Variants in USP6NL observed in about 807,000 individuals in gnomAD.
The protein encoded by USP6NL is USP6 N-terminal-like protein.
A neutral mutation model predicts 61.9 loss-of-function variants in USP6NL; 26 were observed. That is an observed-to-expected ratio of 0.42 (90% confidence interval 0.31 to 0.58). USP6NL has a LOEUF of 0.58. Among genes scored for constraint, USP6NL ranks in the 20% least tolerant of loss-of-function variants. USP6NL has a pLI of 0.16. For missense variants in USP6NL, 1,114 were observed against 1,034.3 expected (o/e 1.08, Z -1.06); for synonymous variants, 432 against 390.1 (o/e 1.11, Z -1.27).
At chr10:11,601,713 C>T (rs927316767) in intron 1 of USP6NL, among the ~76,000 whole-genome samples, 3 of 152,136 alleles carry the variant, frequency 2.0e-5, no homozygotes, top group Non-Finnish European at 4.4e-5. Flanking sequence ...TCATTTGTTC[C>T]TTAAAAGTAA....
At chr10:11,569,777 A>G (rs1437004095) in intron 2 of USP6NL, among the ~76,000 whole-genome samples, 1 of 152,220 alleles carries the variant, frequency 6.6e-6, no homozygotes, top group Non-Finnish European at 1.5e-5. Context: ...CCTGAATTCT[A>G]GGTTTTATGG....
At position 11,608,538 on chromosome 10, in the gene USP6NL, T is replaced by C. The variant is rs547274490; in HGVS notation, c.-84+2905A>G. Among the ~76,000 whole-genome samples the C allele has an allele frequency of 6.6e-5, 10 of 152,342 alleles. No homozygotes were observed. In the South Asian group the frequency reaches 1.9e-3, roughly 28 times the overall value. ...AGTTTCCCACACACCCGCCTCTTTT[T>C]TTCAGCCAGCTATCTCTGCCTCATC... On this transcript the variant is annotated intron_variant, in intron 1 of 14. Transcript: ENST00000609104.
At chr10:11,477,833 GA>G (rs1486681922) in intron 14 of USP6NL, among the ~76,000 whole-genome samples, 16 of 151,958 alleles carry the variant, frequency 1.1e-4, no homozygotes. Flanking sequence ...GTTTTAAAGG[GA>G]AAAAAATGAT....
chr10:11,535,987 T>G (rs1299706659), intron 2 of USP6NL, among the ~76,000 whole-genome samples: 3 of 152,188 alleles, frequency 2.0e-5, no homozygotes, highest in Non-Finnish European at 1.5e-5. Flanking sequence ...GAAGGAATGC[T>G]CAGAGGAGGA....
Position 11,489,269 on chromosome 10 carries a change from A to T in USP6NL, c.544-47T>A, listed in dbSNP as rs759804740. The stretch of plus-strand genomic sequence containing the variant: ...AGAAGCTGGGGAGTTCAGTCGAATT[A>T]CATGCATATGTACAGAGAAAAAGCT... On this transcript the variant is annotated intron_variant, in intron 9 of 14. Coordinates refer to ENST00000609104, the MANE Select transcript of USP6NL (RefSeq NM_014688.5). This position sits in a 1 kb window ranked among gnomAD's most constrained non-coding sequence, Gnocchi z 5.7. 1 of 1,610,886 alleles carries T rather than the reference A, an allele frequency of 6.2e-7. No individual in the cohort carries two copies. Among genetic ancestry groups the T allele is most frequent in the Non-Finnish European group, 8.5e-7 (1 of 1,177,958 alleles).
chr10:11,578,111 G>C (rs1837618784), intron 2 of USP6NL, among the ~76,000 whole-genome samples: 1 of 152,018 alleles, frequency 6.6e-6, no homozygotes, highest in African/African-American at 2.4e-5. Flanking sequence ...CAGCTACTCA[G>C]GGTGTGCCAC....
In USP6NL at chr10:11,476,243, GAGTCACACTGT is replaced by G. The variant is rs1832963823; in HGVS notation, c.1078+5516_1078+5526del. Among the ~76,000 whole-genome samples, 4 of 152,206 alleles carry G rather than the reference GAGTCACACTGT, an allele frequency of 2.6e-5. No homozygotes were observed. Among genetic ancestry groups the G allele is most frequent in the African/African-American group, 9.6e-5 (4 of 41,454 alleles). ...GGAGCTGGCCTGAGATGATGCTGAG[GAGTCACACTGT>G]AGTCACACTGTTACACTTGTTAGTG... On this transcript the variant is annotated intron_variant, in intron 14 of 14. Coordinates refer to ENST00000609104, the MANE Select transcript of USP6NL (RefSeq NM_014688.5). The surrounding 1 kb of genome is among the most constrained non-coding windows in gnomAD (Gnocchi z 4.3).
intron 2 of USP6NL, among the ~76,000 whole-genome samples, chr10:11,571,000 G>C (rs1837338990): frequency 6.6e-6 from 1 of 151,994 alleles, no homozygotes; most frequent in Non-Finnish European, 1.5e-5. Context: ...ACACTTATTA[G>C]ACAAGACTGT....
At chr10:11,559,229 G>A (rs1479386153) in intron 2 of USP6NL, among the ~76,000 whole-genome samples, 1 of 152,080 alleles carries the variant, frequency 6.6e-6, no homozygotes, top group Non-Finnish European at 1.5e-5. Flanking sequence ...AAATAAATGT[G>A]TAAATGCTTT....
In USP6NL at chr10:11,491,044, A is replaced by C. The variant is rs968216182; in HGVS notation, c.495-164T>G. 2.0e-5 allele frequency among the ~76,000 whole-genome samples: 3 copies of C among 152,262 alleles called. No homozygotes were observed. In the East Asian group the frequency reaches 5.8e-4, roughly 29 times the overall value. The stretch of plus-strand genomic sequence containing the variant: ...TTCAAATTCAAACAACACTCTAAAA[A>C]GTCTAAATTCAAGACTAGATAATAT... On this transcript the variant is annotated intron_variant, in intron 8 of 14. Transcript: ENST00000609104. This position sits in a 1 kb window ranked among gnomAD's most constrained non-coding sequence, Gnocchi z 4.7.
At chr10:11,609,737 C>A (rs765860328) in intron 1 of USP6NL, among the ~76,000 whole-genome samples, 1 of 152,188 alleles carries the variant, frequency 6.6e-6, no homozygotes, top group Non-Finnish European at 1.5e-5. Flanking sequence ...GCAACCCTTG[C>A]TTGGCATTGG....
In USP6NL at chr10:11,463,531, T is replaced by A. The variant is rs375253577; in HGVS notation, c.1397A>T (p.His466Leu). The part of the protein sequence containing the change: ...GPQDSSRQYN[H>L]AAANQNSNAT... ...GTTGCTATTTTGGTTGGCAGCTGCG[T>A]GATTATATTGCCTGGAACTGTCCTG... is the stretch of plus-strand genomic sequence containing the variant. Residue 466 changes from histidine (H) to leucine (L), a missense_variant, in exon 15 of 15, where the codon CAC (histidine) becomes CTC (leucine). By Grantham distance (99) the His-to-Leu change is moderately conservative. Coordinates refer to ENST00000609104, the MANE Select transcript of USP6NL (RefSeq NM_014688.5). The surrounding 1 kb of genome is among the most constrained non-coding windows in gnomAD (Gnocchi z 6.3). 6.2e-7 allele frequency: 1 copy of A among 1,613,892 alleles called. No homozygotes were observed. The highest frequency in any genetic ancestry group is 1.3e-5 in the African/African-American group (1 of 74,918).
At chr10:11,502,313 T>C (rs1445500929) in intron 6 of USP6NL, among the ~76,000 whole-genome samples, 2 of 151,726 alleles carry the variant, frequency 1.3e-5, no homozygotes, top group Non-Finnish European at 2.9e-5. Context: ...TCCTTGAAAG[T>C]GTACTGCTAT....
At position 11,462,569 on chromosome 10, in the gene USP6NL, T is replaced by G. The variant is rs1476465356; in HGVS notation, c.2359A>C (p.Arg787=). The G allele has an allele frequency of 1.2e-6, 2 of 1,614,030 alleles. No homozygotes were observed. Among genetic ancestry groups the G allele is most frequent in the South Asian group, 1.1e-5 (1 of 91,086 alleles). The change falls in exon 15 of 15, where the codon AGA becomes CGA. Residue 787 remains arginine, a synonymous_variant. Transcript: ENST00000609104. ...TCTGCGGCCGGTGAAGCTTTATATCTCACGGGACTATCTACAGAAACTGCA... is the reference window on the plus strand; with the variant it reads ...TCTGCGGCCGGTGAAGCTTTATATCGCACGGGACTATCTACAGAAACTGCA... The part of the protein sequence containing the change: ...LPAVSVDSPV[R]YKASPAAEDA...
At chr10:11,557,761 T>C (rs1373700492) in intron 2 of USP6NL, among the ~76,000 whole-genome samples, 1 of 152,096 alleles carries the variant, frequency 6.6e-6, no homozygotes, top group African/African-American at 2.4e-5. Context: ...AGTGCACACA[T>C]GGCATACTAC....
intron 4 of USP6NL, among the ~76,000 whole-genome samples, chr10:11,523,582 T>C (rs1274648009): frequency 1.3e-5 from 2 of 152,200 alleles, no homozygotes; most frequent in Non-Finnish European, 2.9e-5. Flanking sequence ...CTTAAAATTT[T>C]ACATTGGAAT....
rs1490336338 is a variant in USP6NL, at chr10:11,595,999, C to T, written c.4+1632G>A. ...TAGTTGCTTGGCAAGCCATTCCTCCCCTCTGCCTTCATCCTCGCAAGACTT... is the reference window on the plus strand; with the variant it reads ...TAGTTGCTTGGCAAGCCATTCCTCCTCTCTGCCTTCATCCTCGCAAGACTT... On this transcript the variant is annotated intron_variant, in intron 2 of 14. Transcript: ENST00000609104. The surrounding 1 kb of genome is among the most constrained non-coding windows in gnomAD (Gnocchi z 5.3). Among the ~76,000 whole-genome samples the T allele has an allele frequency of 2.0e-5, 3 of 152,120 alleles. No homozygotes were observed. Among genetic ancestry groups the T allele is most frequent in the Non-Finnish European group, 2.9e-5 (2 of 68,022 alleles).
Position 11,461,840 on chromosome 10 carries a change from T to C in USP6NL, c.*601A>G, listed in dbSNP as rs1301147185. The C allele has an allele frequency of 3.9e-5, 6 of 152,188 alleles. No individual in the cohort carries two copies. The highest frequency in any genetic ancestry group is 1.4e-4 in the African/African-American group (6 of 41,426). The allele number at this position is 152,188 out of a possible 1,614,324, so 9.4% of individuals were successfully genotyped here. On this transcript the variant is annotated 3_prime_UTR_variant, in exon 15 of 15. Coordinates refer to ENST00000609104, the MANE Select transcript of USP6NL (RefSeq NM_014688.5). ...TTCTGTGAGACTGCAATTAATAAAG[T>C]CAGGACAAACTCTTCAGTCAGTTTA...
chr10:11,476,200 C>G lies in USP6NL; in HGVS notation c.1078+5570G>C, dbSNP rs1012285322. Among the ~76,000 whole-genome samples the G allele has an allele frequency of 1.3e-5, 2 of 152,190 alleles. No individual in the cohort carries two copies. Among genetic ancestry groups the G allele is most frequent in the African/African-American group, 4.8e-5 (2 of 41,448 alleles). On this transcript the variant is annotated intron_variant, in intron 14 of 14. Coordinates refer to ENST00000609104, the MANE Select transcript of USP6NL (RefSeq NM_014688.5). The surrounding 1 kb of genome is among the most constrained non-coding windows in gnomAD (Gnocchi z 4.3). The stretch of plus-strand genomic sequence containing the variant: ...GCTTAACAGGCAGCCTAAGGGACAA[C>G]TGGAAATCTTCCCACATGGAGCTGG...
Sources: allele counts gnomAD v4.1 joint callset (sites outside exome capture counted in the v4.1 genomes callset), GRCh38; gene constraint gnomAD v4.1.1; non-coding constraint Gnocchi (gnomAD v3.1); transcripts MANE v1.5; gene names NCBI Gene and HGNC (gene_info 2026-07-23, HGNC 2026-07-21).